Variants in USP20 observed in about 807,000 individuals in gnomAD.
The protein encoded by USP20 is ubiquitin carboxyl-terminal hydrolase 20.
USP20 carries 80 observed loss-of-function variants against 124.2 expected under a neutral mutation model. The ratio of observed to expected loss-of-function variants is 0.64; its 90% confidence interval spans 0.54 to 0.78. The LOEUF is 0.78. USP20 is among the 30% of genes least tolerant of loss of function. The probability of loss-of-function intolerance (pLI) is 0.00; values close to 1 mark genes in which losing one functional copy is unlikely to be tolerated. For synonymous variants in USP20, 481 were observed against 512.3 expected, an observed-to-expected ratio of 0.94 and a Z score of 0.83; for missense variants, 1,043 against 1,244.4, an observed-to-expected ratio of 0.84 and a Z score of 2.44.
intron 15 of USP20, among the ~76,000 whole-genome samples, chr9:129,871,639 A>G (rs546609507): frequency 2.6e-5 from 4 of 152,034 alleles, no homozygotes; most frequent in African/African-American, 9.6e-5. Context: ...CGTCGTCCAC[A>G]CTCATTTTGT....
Position 129,880,516 on chromosome 9 carries a change from C to G in USP20, c.*66C>G. On this transcript the variant is annotated 3_prime_UTR_variant, in exon 26 of 26. Coordinates refer to ENST00000372429, the MANE Select transcript of USP20 (RefSeq NM_001110303.4). ...GGCGTGTTTGTGCCCAGAAGAGAGG[C>G]CGGGCTGCTGCAGAACCCCGCCGTG... is the stretch of plus-strand genomic sequence containing the variant. 1 of 552,428 alleles carries G rather than the reference C, an allele frequency of 1.8e-6. No homozygotes were observed. The highest frequency in any genetic ancestry group is 3.2e-6 in the Non-Finnish European group (1 of 316,388). The allele number at this position is 552,428 out of a possible 1,614,324, so 34.2% of individuals were successfully genotyped here.
intron 8 of USP20, 26 bp downstream of exon 8, chr9:129,861,638 C>T: frequency 6.2e-7 from 1 of 1,612,398 alleles, no homozygotes; most frequent in Non-Finnish European, 8.5e-7. Flanking sequence ...GTCCGAGGGC[C>T]GAGAGCTGTC....
intron 6 of USP20, among the ~76,000 whole-genome samples, chr9:129,859,563 C>T (rs560992598): frequency 1.2e-3 from 187 of 152,050 alleles, no homozygotes; most frequent in African/African-American, 3.9e-3. Context: ...CAGGAGCCAC[C>T]GCACCTGGCC....
In USP20 at chr9:129,875,407, T is replaced by G; in HGVS notation, c.2146T>G (p.Trp716Gly). ...SLLRFYVSRE[W>G]LNKFNTFAEP... ...GCTGCGGTTCTACGTGTCCCGCGAG[T>G]GGCTCAACAAGTTCAACACCTTCGC... The change falls in exon 20 of 26, where the codon TGG (tryptophan) becomes GGG (glycine). Residue 716 changes from tryptophan to glycine, a missense_variant. Transcript: ENST00000372429. 1.2e-6 allele frequency: 2 copies of G among 1,613,676 alleles called. No homozygotes were observed. Among genetic ancestry groups the G allele is most frequent in the Non-Finnish European group, 1.7e-6 (2 of 1,179,970 alleles).
rs762795019 is a variant in USP20 at position 129,876,133 on chromosome 9, C to T, written c.2304C>T (p.Phe768=). The change falls in exon 22 of 26, where the codon TTC becomes TTT. Residue 768 remains phenylalanine (F), a synonymous_variant. Transcript: ENST00000372429. ...QNVWEHLYNR[F]GGGPAVNHLY... ...CTCTCTCCCACCCTGGGCACAGATT[C>T]GGGGGTGGCCCCGCCGTGAACCACC... 123 of 1,611,982 alleles carry T rather than the reference C, an allele frequency of 7.6e-5. No individual in the cohort carries two copies. Among genetic ancestry groups the T allele is most frequent in the South Asian group, 4.5e-4 (41 of 90,872 alleles).
chr9:129,849,070 G>T (rs748619248), intron 1 of USP20, among the ~76,000 whole-genome samples: 1 of 152,194 alleles, frequency 6.6e-6, no homozygotes, highest in Admixed American at 6.5e-5. Flanking sequence ...ATCCCTGAGA[G>T]CTCAAAGGAT....
chr9:129,877,774 A>G (rs1171552909), intron 22 of USP20, among the ~76,000 whole-genome samples: 3 of 152,032 alleles, frequency 2.0e-5, no homozygotes, highest in African/African-American at 7.3e-5. Flanking sequence ...TCAACCGGAG[A>G]AAATTAGCAT....
At chr9:129,861,652 G>A (rs2033556897) in intron 8 of USP20, 40 bp downstream of exon 8, 2 of 1,602,160 alleles carry the variant, frequency 1.2e-6, no homozygotes, top group Non-Finnish European at 1.7e-6. Context: ...AGCTGTCCCT[G>A]GCAAAGCCCC....
chr9:129,836,772 C>T (rs746862430), intron 1 of USP20, among the ~76,000 whole-genome samples: 7 of 152,128 alleles, frequency 4.6e-5, no homozygotes, highest in Non-Finnish European at 8.8e-5. Flanking sequence ...AAAGTCTTGC[C>T]CTCTGCAGAC....
At chr9:129,844,623 CA>C (rs1191781066) in intron 1 of USP20, among the ~76,000 whole-genome samples, 13,184 of 72,006 alleles carry the variant, frequency 0.18, 317 homozygotes, top group East Asian at 0.25. Flanking sequence ...GACTCTGTCT[CA>C]AAAAAAAAAA....
At chr9:129,865,426 A>C (rs1246719910) in intron 10 of USP20, 45 bp downstream of exon 10, 1 of 1,602,736 alleles carries the variant, frequency 6.2e-7, no homozygotes, top group Non-Finnish European at 8.5e-7. Flanking sequence ...GCCATGACCC[A>C]CCAGGCCTGA....
intron 4 of USP20, 91 bp from the exon 5 acceptor site, chr9:129,857,958 AG>A: frequency 8.7e-7 from 1 of 1,149,090 alleles, no homozygotes. Flanking sequence ...CAGGAGAGGT[AG>A]GGGCACTGAC....
intron 6 of USP20, 145 bp from the exon 7 acceptor site, chr9:129,860,792 C>T (rs2033502445): frequency 5.2e-6 from 4 of 771,612 alleles, no homozygotes; most frequent in Non-Finnish European, 8.8e-6. Flanking sequence ...TCTCTTTTCA[C>T]AGTACCTTCT....
intron 1 of USP20, among the ~76,000 whole-genome samples, chr9:129,842,936 C>T (rs2131033410): frequency 6.6e-6 from 1 of 152,072 alleles, no homozygotes; most frequent in South Asian, 2.1e-4. Flanking sequence ...TGTACTACCG[C>T]CCTTTTTCCT....
At chr9:129,871,963 G>T (rs1419692118) in intron 15 of USP20, among the ~76,000 whole-genome samples, 1 of 152,088 alleles carries the variant, frequency 6.6e-6, no homozygotes, top group Non-Finnish European at 1.5e-5. Flanking sequence ...TGATCCGCCT[G>T]CCTTGGTCTC....
At chr9:129,864,556 G>T (rs1285633904) in intron 9 of USP20, among the ~76,000 whole-genome samples, 2 of 151,048 alleles carry the variant, frequency 1.3e-5, no homozygotes, top group Non-Finnish European at 2.9e-5. Flanking sequence ...CGGGTGGATC[G>T]CAAGGTCAGG....
At chr9:129,846,248 T>TATATA (rs1491285186) in intron 1 of USP20, among the ~76,000 whole-genome samples, 74 of 40,586 alleles carry the variant, frequency 1.8e-3, no homozygotes, top group African/African-American at 7.4e-3. Context: ...TATATATATA[T>TATATA]TTTTTTTTTT....
intron 22 of USP20, among the ~76,000 whole-genome samples, chr9:129,877,385 G>T (rs1564224633): frequency 1.3e-5 from 2 of 152,196 alleles, no homozygotes; most frequent in East Asian, 3.9e-4. Flanking sequence ...CAGGCATGGT[G>T]ATGTGTACCT....
At chr9:129,857,749 C>G (rs2131060782) in intron 4 of USP20, among the ~76,000 whole-genome samples, 1 of 152,284 alleles carries the variant, frequency 6.6e-6, no homozygotes, top group South Asian at 2.1e-4. Context: ...GGTCTTGGTC[C>G]CGAGCAGCCA....
Sources: allele counts gnomAD v4.1 joint callset (sites outside exome capture counted in the v4.1 genomes callset), GRCh38; gene constraint gnomAD v4.1.1; transcripts MANE v1.5; gene names NCBI Gene and HGNC (gene_info 2026-07-23, HGNC 2026-07-21).